The following KIF11 variants were observed in gnomAD, a reference collection of about 807,000 sequenced individuals.
KIF11 encodes the protein kinesin family member 11.
KIF11 carries 9 observed loss-of-function variants against 121.0 expected under a neutral mutation model. The observed-to-expected ratio is 0.07, with a 90% CI of 0.04 to 0.13. KIF11 has a LOEUF of 0.13. Among genes scored for constraint, KIF11 ranks in the 10% least tolerant of loss-of-function variants. The probability of loss-of-function intolerance (pLI) is 1.00; values close to 1 mark genes in which losing one functional copy is unlikely to be tolerated. For missense variants in KIF11, 846 were observed against 1,217.5 expected (o/e 0.69, Z 4.54); for synonymous variants, 408 against 421.0 (o/e 0.97, Z 0.38).
chr10:92,595,903 G>T (rs1402909302), intron 1 of KIF11, among the ~76,000 whole-genome samples: 1 of 152,116 alleles, frequency 6.6e-6, no homozygotes, highest in African/African-American at 2.4e-5. Flanking sequence ...AAATGTCAGG[G>T]TTTTCTTCCT....
At chr10:92,645,140 T>A (rs1844904760) in intron 17 of KIF11, among the ~76,000 whole-genome samples, 1 of 152,186 alleles carries the variant, frequency 6.6e-6, no homozygotes, top group African/African-American at 2.4e-5. Context: ...AAAGGTTTCA[T>A]GAGCAAAGAT....
intron 5 of KIF11, 72 bp from the exon 6 acceptor site, chr10:92,609,293 AGAGAGAGAGAGTGTGTGTGT>A (rs1217594134): frequency 6.8e-6 from 8 of 1,170,744 alleles, no homozygotes; most frequent in African/African-American, 6.6e-5. Context: ...AGAGAGAGAG[AGAGAGAGAGAGTGTGTGTGT>A]GTGTGTGTGT....
At chr10:92,619,308 C>T (rs1844594332) in intron 9 of KIF11, among the ~76,000 whole-genome samples, 1 of 152,116 alleles carries the variant, frequency 6.6e-6, no homozygotes, top group Non-Finnish European at 1.5e-5. Flanking sequence ...TGAGCCACTG[C>T]ACCCAGCAGA....
In KIF11 at chr10:92,623,235, A is replaced by G. The variant is rs1006247078; in HGVS notation, c.1217+1762A>G. On this transcript the variant is annotated intron_variant, in intron 10 of 21. Coordinates refer to ENST00000260731, the MANE Select transcript of KIF11 (RefSeq NM_004523.4). ...TAGTCACACTCACCTCATCTTTTCC[A>G]TGATTCCTAACCCCTGGCAACCACT... 2.6e-5 allele frequency among the ~76,000 whole-genome samples: 4 copies of G among 152,166 alleles called. No individual in the cohort carries two copies. In the East Asian group the frequency reaches 7.7e-4, roughly 29 times the overall value.
intron 1 of KIF11, among the ~76,000 whole-genome samples, chr10:92,603,833 C>T (rs543493051): frequency 1.2e-4 from 19 of 152,170 alleles, no homozygotes; most frequent in Non-Finnish European, 2.1e-4. Flanking sequence ...TATATTTATT[C>T]ATTTTATAGT....
chr10:92,647,417 G>A (rs1844931459), intron 18 of KIF11, among the ~76,000 whole-genome samples: 2 of 152,026 alleles, frequency 1.3e-5, no homozygotes, highest in Admixed American at 6.6e-5. Context: ...CACTCCAAAA[G>A]GTGTCCCAAT....
chr10:92,615,897 T>G (rs1239854705), intron 8 of KIF11, among the ~76,000 whole-genome samples: 1 of 150,406 alleles, frequency 6.6e-6, no homozygotes, highest in Non-Finnish European at 1.5e-5. Flanking sequence ...TGGAGTGCAA[T>G]GGTGTGGTTT....
At chr10:92,610,629 G>A (rs1483932690) in intron 6 of KIF11, among the ~76,000 whole-genome samples, 1 of 151,934 alleles carries the variant, frequency 6.6e-6, no homozygotes, top group Non-Finnish European at 1.5e-5. Context: ...TCAGTTTCGC[G>A]GTTAATTCAG....
chr10:92,640,474 C>T (rs1411801157), intron 17 of KIF11, among the ~76,000 whole-genome samples: 3 of 152,230 alleles, frequency 2.0e-5, no homozygotes, highest in Non-Finnish European at 4.4e-5. Context: ...CTCTGTCACC[C>T]AGGCTGGAGT....
rs34357393 is a variant in KIF11 at position 92,648,108 on chromosome 10, C to CAAAAAAAAAAAAAA, written c.2548-103_2548-90dup. ...TGGGCAACAGAGTGAGACTTGTCTC[C>CAAAAAAAAAAAAAA]AAAAAAAAAAAAAATTATGGAAAAG... is the stretch of plus-strand genomic sequence containing the variant. On this transcript the variant is annotated intron_variant, in intron 18 of 21. Transcript: ENST00000260731. The CAAAAAAAAAAAAAA allele has an allele frequency of 1.2e-3, 841 of 683,534 alleles. 1 individual carries two copies. The highest frequency in any genetic ancestry group is 3.3e-3 in the Middle Eastern group (10 of 3,030). The allele number at this position is 683,534 out of a possible 1,614,324, so 42.3% of individuals were successfully genotyped here.
At chr10:92,626,952 CAG>C (rs1374528838) in intron 10 of KIF11, among the ~76,000 whole-genome samples, 9 of 152,068 alleles carry the variant, frequency 5.9e-5, no homozygotes, top group Admixed American at 3.3e-4. Flanking sequence ...TTAGTAGAGA[CAG>C]GGTTTCACCA....
chr10:92,653,019 C>G (rs1220679922), intron 21 of KIF11, among the ~76,000 whole-genome samples: 1 of 152,052 alleles, frequency 6.6e-6, no homozygotes, highest in African/African-American at 2.4e-5. Context: ...ATAGAACTTC[C>G]AAATGAGGAA....
chr10:92,607,925 C>T (rs951555189), intron 4 of KIF11, among the ~76,000 whole-genome samples: 1 of 151,766 alleles, frequency 6.6e-6, no homozygotes, highest in South Asian at 2.1e-4. Context: ...GAGGCTGAGG[C>T]GGGCAGATCA....
intron 10 of KIF11, among the ~76,000 whole-genome samples, chr10:92,625,446 T>C (rs1017491678): frequency 8.6e-5 from 13 of 151,880 alleles, no homozygotes; most frequent in African/African-American, 3.1e-4. Context: ...CCTCCTGGGT[T>C]CAAGCGATTC....
chr10:92,620,158 G>A (rs554216036), intron 9 of KIF11, among the ~76,000 whole-genome samples: 3 of 145,982 alleles, frequency 2.1e-5, no homozygotes, highest in African/African-American at 5.1e-5. Flanking sequence ...TCGGCTCACT[G>A]CAAGCTTCAC....
At chr10:92,618,936 G>A (rs1241012489) in intron 9 of KIF11, among the ~76,000 whole-genome samples, 1 of 152,022 alleles carries the variant, frequency 6.6e-6, no homozygotes. Context: ...CTGGTACCCA[G>A]TAACCTGTCC....
At position 92,648,334 on chromosome 10, in the gene KIF11, A is replaced by G. The variant is rs1477216347; in HGVS notation, c.2670A>G (p.Lys890=). Residue 890 remains lysine (K), a synonymous_variant, in exon 19 of 22, where the codon AAA becomes AAG. Coordinates refer to ENST00000260731, the MANE Select transcript of KIF11 (RefSeq NM_004523.4). ...FLDQMTIDED[K]LIAQNLELNE... is the part of the protein sequence containing the mutation. The stretch of plus-strand genomic sequence containing the variant: ...ATCAGATGACTATTGATGAAGATAA[A>G]TTGATAGCACAAAATCTAGAACTTA... 6.2e-7 allele frequency: 1 copy of G among 1,612,900 alleles called. No homozygotes were observed. Among genetic ancestry groups the G allele is most frequent in the Admixed American group, 1.7e-5 (1 of 60,000 alleles).
At chr10:92,621,134 G>A (rs899822906) in intron 9 of KIF11, among the ~76,000 whole-genome samples, 3 of 152,166 alleles carry the variant, frequency 2.0e-5, no homozygotes, top group Non-Finnish European at 2.9e-5. Context: ...ACCAACCTGG[G>A]TACTGGAGGT....
intron 9 of KIF11, among the ~76,000 whole-genome samples, chr10:92,619,439 CAAAACTG>C (rs1844595482): frequency 6.6e-6 from 1 of 152,160 alleles, no homozygotes; most frequent in Admixed American, 6.5e-5. Context: ...CTATTACAAA[CAAAACTG>C]CTATTGACAT....
Sources: gnomAD v4.1 joint callset for allele counts (sites outside exome capture counted in the v4.1 genomes callset) on GRCh38, gnomAD v4.1.1 for gene constraint, MANE v1.5 for transcripts, NCBI Gene and HGNC (gene_info 2026-07-23, HGNC 2026-07-21) for gene names.